Variants in EPB41L4B observed in about 807,000 individuals in gnomAD.
The protein encoded by EPB41L4B is band 4.1-like protein 4B.
EPB41L4B carries 30 observed loss-of-function variants against 112.5 expected under a neutral mutation model. That is an observed-to-expected ratio of 0.27 (90% confidence interval 0.20 to 0.36). EPB41L4B has a LOEUF of 0.36. Ranked by LOEUF, EPB41L4B falls within the 10% of genes least tolerant of loss-of-function variation. The probability of loss-of-function intolerance (pLI) is 1.00; values close to 1 mark genes in which losing one functional copy is unlikely to be tolerated. For missense variants in EPB41L4B, 1,024 were observed against 1,133.3 expected (o/e 0.90, Z 1.38); for synonymous variants, 408 against 439.7 (o/e 0.93, Z 0.90).
At chr9:109,281,737 T>C (rs1285363375) in intron 1 of EPB41L4B, among the ~76,000 whole-genome samples, 2 of 134,400 alleles carry the variant, frequency 1.5e-5, no homozygotes, top group Non-Finnish European at 3.2e-5. Flanking sequence ...AATTAATTAA[T>C]TTTAAAAAAG....
chr9:109,264,466 C>T (rs1588185527), intron 5 of EPB41L4B, among the ~76,000 whole-genome samples: 1 of 152,190 alleles, frequency 6.6e-6, no homozygotes, highest in Admixed American at 6.5e-5. Flanking sequence ...AGTGCCAATG[C>T]TTCTTATACT....
chr9:109,235,390 CTT>C (rs758330838), intron 15 of EPB41L4B, among the ~76,000 whole-genome samples: 48 of 87,248 alleles, frequency 5.5e-4, no homozygotes, highest in Middle Eastern at 0.011. Context: ...TTCAGCTAGA[CTT>C]TTTTTTTTTT....
At chr9:109,249,071 AAAT>A (rs1206049314) in intron 13 of EPB41L4B, among the ~76,000 whole-genome samples, 39 of 118,876 alleles carry the variant, frequency 3.3e-4, no homozygotes, top group African/African-American at 1.1e-3. Flanking sequence ...AAAAAAAAAA[AAAT>A]ATATATATAT....
At chr9:109,289,696 C>T (rs866513480) in intron 1 of EPB41L4B, among the ~76,000 whole-genome samples, 10 of 152,300 alleles carry the variant, frequency 6.6e-5, no homozygotes, top group Admixed American at 3.9e-4. Flanking sequence ...AGGACATTGA[C>T]GTTTTGGAAG....
In EPB41L4B at chr9:109,258,284, C is replaced by T. The variant is rs1378196877; in HGVS notation, c.645G>A (p.Glu215=). ...CTGGTGTGTGTTCTGGAAGCTCGCACTCCCCAAGCTCCGCTGTAAGTTTCA... is the reference window on the plus strand; with the variant it reads ...CTGGTGTGTGTTCTGGAAGCTCGCATTCCCCAAGCTCCGCTGTAAGTTTCA... ...AALCLQAELG[E]CELPEHTPEL... Residue 215 remains glutamate, a synonymous_variant, in exon 7 of 26, where the codon GAG becomes GAA. Transcript: ENST00000374566. 3 of 1,612,554 alleles carry T rather than the reference C, an allele frequency of 1.9e-6. No individual in the cohort carries two copies. Among genetic ancestry groups the T allele is most frequent in the African/African-American group, 1.3e-5 (1 of 75,032 alleles).
At chr9:109,230,369 G>C (rs1280371054) in intron 15 of EPB41L4B, among the ~76,000 whole-genome samples, 1 of 152,122 alleles carries the variant, frequency 6.6e-6, no homozygotes, top group Non-Finnish European at 1.5e-5. Context: ...AACATGCATT[G>C]GTACTTAGCT....
At chr9:109,289,014 C>T (rs544662389) in intron 1 of EPB41L4B, among the ~76,000 whole-genome samples, 266 of 152,246 alleles carry the variant, frequency 1.7e-3, no homozygotes, top group African/African-American at 5.9e-3. Context: ...CACCCACCCC[C>T]TAGTGGGTCC....
chr9:109,185,692 A>G, intron 22 of EPB41L4B, 87 bp from the exon 23 acceptor site: 1 of 1,003,782 alleles, frequency 1.0e-6, no homozygotes, highest in South Asian at 1.6e-5. Context: ...GAAAGGAGAG[A>G]AAGACAGCAC....
chr9:109,235,274 G>A (rs2118926574), intron 15 of EPB41L4B, among the ~76,000 whole-genome samples: 1 of 150,876 alleles, frequency 6.6e-6, no homozygotes, highest in African/African-American at 2.4e-5. Flanking sequence ...TTATATATGT[G>A]TTAATGCTCT....
intron 1 of EPB41L4B, among the ~76,000 whole-genome samples, chr9:109,317,288 C>A (rs1837669775): frequency 6.6e-6 from 1 of 152,242 alleles, no homozygotes; most frequent in Non-Finnish European, 1.5e-5. Context: ...TCTCAAGTGT[C>A]AAAGTCTCCT....
intron 15 of EPB41L4B, among the ~76,000 whole-genome samples, chr9:109,222,536 G>C (rs1221513540): frequency 6.6e-6 from 1 of 152,194 alleles, no homozygotes; most frequent in Non-Finnish European, 1.5e-5. Context: ...GCCCACCCTA[G>C]AAGGTCCAGC....
chr9:109,273,298 G>A (rs1301814023), intron 2 of EPB41L4B, among the ~76,000 whole-genome samples: 8 of 151,642 alleles, frequency 5.3e-5, no homozygotes, highest in African/African-American at 1.9e-4. Flanking sequence ...CCAGGCTGGA[G>A]TGCAGTGGTG....
chr9:109,192,496 C>T (rs1237821299), intron 21 of EPB41L4B, 141 bp from the exon 22 acceptor site: 5 of 540,586 alleles, frequency 9.2e-6, no homozygotes, highest in Admixed American at 3.8e-5. Context: ...ATTTCCCTCA[C>T]CAAGTAGTGT....
chr9:109,227,318 G>C (rs1833818124), intron 15 of EPB41L4B, among the ~76,000 whole-genome samples: 3 of 151,260 alleles, frequency 2.0e-5, no homozygotes, highest in South Asian at 4.2e-4. Flanking sequence ...TTTTGTGATA[G>C]TAACTTGAAT....
Position 109,258,207 on chromosome 9 carries a change from A to G in EPB41L4B, c.722T>C (p.Phe241Ser). The G allele has an allele frequency of 6.2e-7, 1 of 1,613,960 alleles. No individual in the cohort carries two copies. Among genetic ancestry groups the G allele is most frequent in the Non-Finnish European group, 8.5e-7 (1 of 1,179,834 alleles). ...CTCTTTCCATCTCTGGAAGATATCA[A>G]ATTCCATTGCTTCTGTCTGATTTGG... ...FIPNQTEAME[F>S]DIFQRWKECR... Residue 241 changes from phenylalanine (F) to serine (S), a missense_variant, in exon 7 of 26, where the codon TTT becomes TCT. By Grantham distance (155) the Phe-to-Ser change is radical. Transcript: ENST00000374566.
At chr9:109,283,710 A>G (rs1217999057) in intron 1 of EPB41L4B, among the ~76,000 whole-genome samples, 1 of 152,200 alleles carries the variant, frequency 6.6e-6, no homozygotes, top group Non-Finnish European at 1.5e-5. Context: ...CTTGATAAAA[A>G]CAGGAAATTT....
Position 109,315,357 on chromosome 9 carries a change from G to A in EPB41L4B, c.306+4784C>T, listed in dbSNP as rs1038960110. On this transcript the variant is annotated intron_variant, in intron 1 of 25. Coordinates refer to ENST00000374566, the MANE Select transcript of EPB41L4B (RefSeq NM_019114.5). ...TGATATACTGAATCAAGAAATTCTC[G>A]GGGTGTGCTCTGGGAATTTTAATGG... 5.3e-5 allele frequency among the ~76,000 whole-genome samples: 8 copies of A among 152,056 alleles called. No homozygotes were observed. The South Asian group carries it at 8.3e-4, about 16-fold the overall frequency.
intron 22 of EPB41L4B, among the ~76,000 whole-genome samples, chr9:109,191,896 G>A (rs1422398947): frequency 6.6e-6 from 1 of 152,196 alleles, no homozygotes; most frequent in Non-Finnish European, 1.5e-5. Context: ...GTGGCCTTGA[G>A]CCAGTGCTTC....
At chr9:109,241,533 C>A in intron 15 of EPB41L4B, 2 of 1,483,934 alleles carry the variant, frequency 1.3e-6, no homozygotes, top group South Asian at 1.4e-5. Context: ...ACATGGACAC[C>A]AAAAACACCT....
Sources: gnomAD v4.1 joint callset for allele counts (sites outside exome capture counted in the v4.1 genomes callset) on GRCh38, gnomAD v4.1.1 for gene constraint, MANE v1.5 for transcripts, NCBI Gene and HGNC (gene_info 2026-07-23, HGNC 2026-07-21) for gene names.